Variants in DOK5 observed in about 807,000 individuals in gnomAD.
The protein encoded by DOK5 is docking protein 5.
DOK5 carries 27 observed loss-of-function variants against 43.3 expected under a neutral mutation model. The observed-to-expected ratio is 0.62, with a 90% CI of 0.46 to 0.86. DOK5 has a LOEUF of 0.86. Among genes scored for constraint, DOK5 ranks in the 40% least tolerant of loss-of-function variants. The pLI, the probability that DOK5 is intolerant of heterozygous loss-of-function variation, is 0.00. For synonymous variants in DOK5, 146 were observed against 140.1 expected (o/e 1.04, Z -0.30); for missense variants, 373 against 392.9 (o/e 0.95, Z 0.43).
chr20:54,475,636 C>T lies in DOK5; in HGVS notation c.-311C>T. 2.1e-6 allele frequency: 1 copy of T among 482,468 alleles called. No individual in the cohort carries two copies. Among genetic ancestry groups the T allele is most frequent in the South Asian group, 2.3e-5 (1 of 43,356 alleles). 29.9% of individuals were successfully genotyped at this position (482,468 alleles called of 1,614,324 possible). A position where few individuals can be genotyped will look rare whatever the true frequency, so the allele number is the denominator to read the frequency against. On this transcript the variant is annotated 5_prime_UTR_variant, in exon 1 of 8. Coordinates refer to ENST00000262593, the MANE Select transcript of DOK5 (RefSeq NM_018431.5). The surrounding 1 kb of genome is among the most constrained non-coding windows in gnomAD (Gnocchi z 4.2). ...GGCCGGGAGGAGGCAGGGCTGGATC[C>T]CTCAGCCGCCGCCGCTCCTCCTCCT...
chr20:54,641,411 G>A (rs16999924), intron 6 of DOK5, among the ~76,000 whole-genome samples: 20,763 of 151,436 alleles, frequency 0.14, 3,498 homozygotes, highest in African/African-American at 0.41. Flanking sequence ...TATTATTTTG[G>A]CTTTACTGAG....
chr20:54,539,312 G>A (rs1344948461), intron 1 of DOK5, among the ~76,000 whole-genome samples: 2 of 144,166 alleles, frequency 1.4e-5, no homozygotes, highest in African/African-American at 2.6e-5. Flanking sequence ...AAAAAAAAGT[G>A]GAGAACAGAT....
chr20:54,623,891 C>T (rs6023423), intron 6 of DOK5, among the ~76,000 whole-genome samples: 52,326 of 152,064 alleles, frequency 0.34, 10,037 homozygotes, highest in African/African-American at 0.48. Flanking sequence ...TGATTTCCTT[C>T]TTACTTACAC....
intron 2 of DOK5, among the ~76,000 whole-genome samples, chr20:54,571,189 TTAAC>T (rs1404001820): frequency 6.6e-6 from 1 of 152,224 alleles, no homozygotes; most frequent in Non-Finnish European, 1.5e-5. Context: ...TGCATAGTAA[TTAAC>T]TATTTCTTAA....
intron 2 of DOK5, among the ~76,000 whole-genome samples, chr20:54,572,895 G>T (rs1985336356): frequency 1.3e-5 from 2 of 152,112 alleles, no homozygotes; most frequent in African/African-American, 4.8e-5. Context: ...TTTACAGTGT[G>T]GATGATGCCA....
At chr20:54,503,150 T>C (rs948176889) in intron 1 of DOK5, among the ~76,000 whole-genome samples, 4 of 152,196 alleles carry the variant, frequency 2.6e-5, no homozygotes, top group African/African-American at 7.2e-5. Context: ...GGGTAGGAAA[T>C]AGAGGTGGAA....
intron 6 of DOK5, among the ~76,000 whole-genome samples, chr20:54,621,259 C>T (rs1238832695): frequency 1.3e-5 from 2 of 152,068 alleles, no homozygotes; most frequent in Non-Finnish European, 2.9e-5. Flanking sequence ...ATGTCTTTCT[C>T]TTTGTTTAAC....
intron 2 of DOK5, among the ~76,000 whole-genome samples, chr20:54,588,228 A>G (rs918984795): frequency 2.0e-5 from 3 of 152,236 alleles, no homozygotes; most frequent in African/African-American, 7.2e-5. Context: ...ACCTCTGTGA[A>G]GTTTTAAGCT....
At chr20:54,553,218 C>T (rs568229887) in intron 1 of DOK5, among the ~76,000 whole-genome samples, 32 of 152,086 alleles carry the variant, frequency 2.1e-4, no homozygotes, top group African/African-American at 5.3e-4. Flanking sequence ...CTTTTTGAGA[C>T]GGAGTCTCGC....
chr20:54,533,791 T>C (rs933686241), intron 1 of DOK5, among the ~76,000 whole-genome samples: 2 of 152,210 alleles, frequency 1.3e-5, no homozygotes, highest in East Asian at 3.8e-4. Context: ...TTATTTCTGA[T>C]TTTGTTTATT....
At chr20:54,525,004 G>A (rs1983531870) in intron 1 of DOK5, among the ~76,000 whole-genome samples, 1 of 152,226 alleles carries the variant, frequency 6.6e-6, no homozygotes, top group Non-Finnish European at 1.5e-5. Context: ...CCAAGCGGGT[G>A]ATGGTCACTG....
intron 2 of DOK5, among the ~76,000 whole-genome samples, chr20:54,583,016 C>T (rs947073362): frequency 2.0e-5 from 3 of 151,832 alleles, no homozygotes; most frequent in Non-Finnish European, 4.4e-5. Flanking sequence ...TTATAATCTT[C>T]TTTTTTAGTA....
At chr20:54,606,791 T>C (rs6014081) in intron 5 of DOK5, among the ~76,000 whole-genome samples, 69,507 of 152,082 alleles carry the variant, frequency 0.46, 20,374 homozygotes, top group African/African-American at 0.82. Flanking sequence ...GGTCAGTTTG[T>C]GGTCATTAGC....
intron 1 of DOK5, among the ~76,000 whole-genome samples, chr20:54,549,398 G>A (rs1023452901): frequency 1.3e-5 from 2 of 152,156 alleles, no homozygotes; most frequent in Non-Finnish European, 2.9e-5. Context: ...GTCTGCTTTT[G>A]TACCATGTGT....
intron 6 of DOK5, among the ~76,000 whole-genome samples, chr20:54,614,473 G>A (rs1986745207): frequency 1.3e-5 from 2 of 152,190 alleles, no homozygotes; most frequent in African/African-American, 2.4e-5. Context: ...GGCACCTGAA[G>A]AAGTTTGTCT....
At chr20:54,504,785 CAA>C (rs891604508) in intron 1 of DOK5, among the ~76,000 whole-genome samples, 4 of 152,144 alleles carry the variant, frequency 2.6e-5, no homozygotes, top group African/African-American at 4.8e-5. Context: ...ACATCAAAGA[CAA>C]ATGTTGTGTG....
At chr20:54,561,993 G>A (rs761646157) in intron 2 of DOK5, among the ~76,000 whole-genome samples, 2 of 152,132 alleles carry the variant, frequency 1.3e-5, no homozygotes, top group African/African-American at 2.4e-5. Context: ...TTTCTCTTGT[G>A]TGCACCAGAG....
intron 1 of DOK5, 126 bp downstream of exon 1, chr20:54,476,138 A>C: frequency 6.5e-7 from 1 of 1,539,524 alleles, no homozygotes; most frequent in Non-Finnish European, 8.8e-7. Context: ...TGGCTTTCTC[A>C]GCCGAAACCC....
chr20:54,623,426 T>C (rs1348832258), intron 6 of DOK5, among the ~76,000 whole-genome samples: 2 of 152,110 alleles, frequency 1.3e-5, no homozygotes, highest in African/African-American at 4.8e-5. Context: ...CAGCTTCTGT[T>C]TGCCTTGTTC....
Sources: allele counts gnomAD v4.1 joint callset (sites outside exome capture counted in the v4.1 genomes callset), GRCh38; gene constraint gnomAD v4.1.1; non-coding constraint Gnocchi (gnomAD v3.1); transcripts MANE v1.5; gene names NCBI Gene and HGNC (gene_info 2026-07-23, HGNC 2026-07-21).